Variants in SLC8A1 observed in about 807,000 individuals in gnomAD.
The protein encoded by SLC8A1 is sodium/calcium exchanger 1.
SLC8A1 carries 18 observed loss-of-function variants against 68.3 expected under a neutral mutation model. The observed-to-expected ratio is 0.26, with a 90% CI of 0.18 to 0.39. The LOEUF (loss-of-function observed/expected upper bound fraction) is 0.39. SLC8A1 is among the 10% of genes least tolerant of loss of function. The pLI is 1.00. For synonymous variants in SLC8A1, 475 were observed against 415.5 expected, an observed-to-expected ratio of 1.14 and a Z score of -1.74; for missense variants, 985 against 1,156.7, an observed-to-expected ratio of 0.85 and a Z score of 2.15.
chr2:40,481,311 C>T (rs1220229047), intron 1 of SLC8A1, among the ~76,000 whole-genome samples: 2 of 152,160 alleles, frequency 1.3e-5, no homozygotes, highest in Non-Finnish European at 2.9e-5. Context: ...AAATTAATGC[C>T]ATATTTATTT....
chr2:40,441,150 C>T (rs528461120), intron 1 of SLC8A1, among the ~76,000 whole-genome samples: 6 of 152,140 alleles, frequency 3.9e-5, no homozygotes, highest in African/African-American at 1.4e-4. Context: ...AGCAGAAAGC[C>T]AAATCATGAA....
intron 2 of SLC8A1, chr2:40,254,280 G>C (rs769320969): frequency 3.3e-4 from 50 of 151,114 alleles, no homozygotes; most frequent in African/African-American, 1.2e-3. Flanking sequence ...TTACATTAAC[G>C]GTCAAAATGA....
chr2:40,481,509 G>T (rs1013462735), intron 1 of SLC8A1, among the ~76,000 whole-genome samples: 1 of 152,138 alleles, frequency 6.6e-6, no homozygotes, highest in African/African-American at 2.4e-5. Flanking sequence ...AATGCAACCA[G>T]ATTTTTTAGC....
intron 2 of SLC8A1, among the ~76,000 whole-genome samples, chr2:40,386,406 C>G (rs1413088057): frequency 1.3e-5 from 2 of 150,872 alleles, no homozygotes; most frequent in South Asian, 4.2e-4. Context: ...CCTCTCAGAC[C>G]TTGGGACAAA....
chr2:40,148,369 C>T (rs567441936), intron 6 of SLC8A1, among the ~76,000 whole-genome samples: 142 of 152,326 alleles, frequency 9.3e-4, no homozygotes, highest in Middle Eastern at 3.4e-3. Context: ...GACGCTGGCT[C>T]TACAGCAATG....
chr2:40,285,385 C>G (rs2068148418), intron 2 of SLC8A1, among the ~76,000 whole-genome samples: 1 of 152,172 alleles, frequency 6.6e-6, no homozygotes, highest in African/African-American at 2.4e-5. Flanking sequence ...GCATCATAAA[C>G]TATGGGGCTG....
At chr2:40,509,102 T>A (rs1246618050) in intron 1 of SLC8A1, among the ~76,000 whole-genome samples, 1 of 152,196 alleles carries the variant, frequency 6.6e-6, no homozygotes. Flanking sequence ...TAAAACTACA[T>A]TGAAAATTCT....
intron 1 of SLC8A1, among the ~76,000 whole-genome samples, chr2:40,463,620 T>G (rs567721922): frequency 6.6e-6 from 1 of 152,164 alleles, no homozygotes; most frequent in South Asian, 2.1e-4. Context: ...CTATGCATGG[T>G]TTTACTTTCA....
intron 2 of SLC8A1, among the ~76,000 whole-genome samples, chr2:40,315,751 T>C (rs1290967210): frequency 1.3e-5 from 2 of 152,062 alleles, no homozygotes; most frequent in African/African-American, 4.8e-5. Flanking sequence ...GGAGACTTAT[T>C]TTCCAGTAAC....
intron 2 of SLC8A1, among the ~76,000 whole-genome samples, chr2:40,290,940 A>G (rs1451493514): frequency 6.6e-6 from 1 of 152,168 alleles, no homozygotes; most frequent in African/African-American, 2.4e-5. Context: ...TTTGATGAAA[A>G]GGTTTATGCC....
Position 40,264,791 on chromosome 2 carries a change from T to C in SLC8A1, c.1809-86936A>G, listed in dbSNP as rs554006361. On this transcript the variant is annotated intron_variant, in intron 2 of 7. Transcript: ENST00000406785. ...GTGCAGCACACCAACATGGCACATG[T>C]ATACATATGTAACAAACCTGCACGT... is the stretch of plus-strand genomic sequence containing the variant. Among the ~76,000 whole-genome samples, 15 of 152,262 alleles carry C rather than the reference T, an allele frequency of 9.9e-5. No homozygotes were observed. The East Asian group carries it at 2.9e-3, about 29-fold the overall frequency.
At chr2:40,360,619 G>A (rs1454128554) in intron 2 of SLC8A1, among the ~76,000 whole-genome samples, 2 of 152,084 alleles carry the variant, frequency 1.3e-5, no homozygotes, top group Non-Finnish European at 2.9e-5. Context: ...TTAGACACTG[G>A]GAAACTGAGG....
intron 2 of SLC8A1, chr2:40,177,981 A>G: frequency 1.5e-6 from 1 of 660,954 alleles, no homozygotes; most frequent in Non-Finnish European, 2.7e-6. Context: ...GGGCCTCCTG[A>G]AGTATGTAAA....
At chr2:40,357,778 C>T (rs972505485) in intron 2 of SLC8A1, among the ~76,000 whole-genome samples, 2 of 151,926 alleles carry the variant, frequency 1.3e-5, no homozygotes, top group East Asian at 3.9e-4. Context: ...GATTAAAAGC[C>T]CTAGCTTATA....
exon 8 of SLC8A1, chr2:40,105,378 C>T (rs545650747): frequency 1.3e-5 from 2 of 152,154 alleles, no homozygotes; most frequent in Admixed American, 6.5e-5. Context: ...CAAAATAAAT[C>T]CAGTCTTTGG....
chr2:40,102,498 T>A (rs1198258093), exon 8 of SLC8A1: 2 of 152,116 alleles, frequency 1.3e-5, no homozygotes, highest in African/African-American at 2.4e-5. Context: ...GTTGAGCAAC[T>A]GTCGGGACAT....
intron 1 of SLC8A1, among the ~76,000 whole-genome samples, chr2:40,511,596 G>A (rs1706729963): frequency 6.6e-6 from 1 of 151,976 alleles, no homozygotes; most frequent in Admixed American, 6.6e-5. Flanking sequence ...TTGATATTCT[G>A]CCACAATCTA....
chr2:40,101,460 G>C (rs2033887648), exon 8 of SLC8A1: 2 of 152,044 alleles, frequency 1.3e-5, no homozygotes, highest in African/African-American at 4.8e-5. Flanking sequence ...TCATTTTCTA[G>C]GCCCCGGGGA....
intron 2 of SLC8A1, among the ~76,000 whole-genome samples, chr2:40,387,598 C>A (rs909652503): frequency 6.6e-6 from 1 of 151,288 alleles, no homozygotes; most frequent in Non-Finnish European, 1.5e-5. Flanking sequence ...AATAAACTAT[C>A]TATGCTAATT....
Sources: gnomAD v4.1 joint callset for allele counts (sites outside exome capture counted in the v4.1 genomes callset) on GRCh38, gnomAD v4.1.1 for gene constraint, MANE v1.5 for transcripts, NCBI Gene and HGNC (gene_info 2026-07-23, HGNC 2026-07-21) for gene names.